Variants in LGR6 observed in about 807,000 individuals in gnomAD.
The protein encoded by LGR6 is leucine rich repeat containing G protein-coupled receptor 6.
In LGR6, 45 loss-of-function variants were observed where a neutral mutation model predicts 69.4. The observed-to-expected ratio is 0.65, with a 90% CI of 0.51 to 0.83. LGR6 has a LOEUF of 0.83. LGR6 is among the 40% of genes least tolerant of loss of function. The pLI, the probability that LGR6 is intolerant of heterozygous loss-of-function variation, is 0.00. For synonymous variants in LGR6, 538 were observed against 555.0 expected (o/e 0.97, Z 0.43); for missense variants, 1,108 against 1,246.7 (o/e 0.89, Z 1.68).
At chr1:202,269,485 A>G (rs1379510025) in intron 4 of LGR6, among the ~76,000 whole-genome samples, 1 of 152,228 alleles carries the variant, frequency 6.6e-6, no homozygotes, top group Admixed American at 6.5e-5. Context: ...GGAAAGGGAT[A>G]CTTCAGGTAC....
intron 7 of LGR6, 29 bp from the exon 8 acceptor site, chr1:202,300,820 C>A (rs377364000): frequency 6.4e-7 from 1 of 1,566,578 alleles, no homozygotes; most frequent in Non-Finnish European, 8.7e-7. Flanking sequence ...TTCTCCAAAT[C>A]CTCACTGGTT....
At chr1:202,204,494 CACACACCTCCAA>C (rs1658986220) in intron 1 of LGR6, among the ~76,000 whole-genome samples, 1 of 101,764 alleles carries the variant, frequency 9.8e-6, no homozygotes, top group Non-Finnish European at 2.0e-5. Flanking sequence ...CACCTCCACA[CACACACCTCCAA>C]ACACACACAC....
chr1:202,263,974 A>G lies in LGR6; in HGVS notation c.429-12332A>G, dbSNP rs112375828. Among the ~76,000 whole-genome samples, 1,232 of 152,294 alleles carry G rather than the reference A, an allele frequency of 8.1e-3. 19 individuals are homozygous for G. The highest frequency in any genetic ancestry group is 0.028 in the African/African-American group (1,157 of 41,554). On this transcript the variant is annotated intron_variant, in intron 4 of 17. Transcript: ENST00000367278. ...ATAGATAATTCTGAGCAAGAGAAAA[A>G]CAAGATTCCAACCGTGGGGATGATT...
At chr1:202,214,486 G>C (rs1249954947) in intron 1 of LGR6, among the ~76,000 whole-genome samples, 1 of 152,032 alleles carries the variant, frequency 6.6e-6, no homozygotes, top group Non-Finnish European at 1.5e-5. Flanking sequence ...GCGCGCGCGC[G>C]AGGCTGGTCC....
Position 202,318,302 on chromosome 1 carries a change from T to C in LGR6, c.1999T>C (p.Cys667Arg). ...VLLLTLAAVQ[C>R]SVSVSCVRAY... ...GCTGCTCACTCTGGCCGCAGTGCAG[T>C]GCAGCGTCTCCGTCTCCTGTGTCCG... Residue 667 changes from cysteine to arginine, a missense_variant, in exon 18 of 18, where the codon TGC becomes CGC. By Grantham distance (180) the Cys-to-Arg change is radical. Transcript: ENST00000367278. The C allele has an allele frequency of 6.3e-7, 1 of 1,597,054 alleles. No homozygotes were observed. The highest frequency in any genetic ancestry group is 1.3e-5 in the African/African-American group (1 of 74,834).
intron 4 of LGR6, among the ~76,000 whole-genome samples, chr1:202,273,851 C>G (rs1033221592): frequency 6.6e-6 from 1 of 152,144 alleles, no homozygotes; most frequent in African/African-American, 2.4e-5. Context: ...TCATTCATGA[C>G]ACCCCTTTCC....
rs545353806 is a variant in LGR6, at chr1:202,203,669, T to C, written c.212+9468T>C. On this transcript the variant is annotated intron_variant, in intron 1 of 17. Coordinates refer to ENST00000367278, the MANE Select transcript of LGR6 (RefSeq NM_001017403.2). ...GACAAGCGCAAATAACTGTGACCTG[T>C]TGTAGGAAGTGAGAAATACACCCAG... 2.6e-4 allele frequency: 189 copies of C among 725,846 alleles called. 4 individuals carry two copies. In the South Asian group the frequency reaches 3.1e-3, roughly 12 times the overall value. 45.0% of individuals were successfully genotyped at this position (725,846 alleles called of 1,614,324 possible).
chr1:202,222,806 T>G (rs972329783), intron 1 of LGR6, among the ~76,000 whole-genome samples: 2 of 152,122 alleles, frequency 1.3e-5, no homozygotes, highest in Non-Finnish European at 2.9e-5. Context: ...AACCCTGGCT[T>G]AAAATCCATC....
intron 2 of LGR6, among the ~76,000 whole-genome samples, chr1:202,226,580 G>A (rs1660569734): frequency 6.6e-6 from 1 of 152,088 alleles, no homozygotes; most frequent in Admixed American, 6.6e-5. Context: ...CCATGGCTTG[G>A]TATCCAGACC....
At chr1:202,261,297 G>T (rs1664214891) in intron 4 of LGR6, among the ~76,000 whole-genome samples, 1 of 137,352 alleles carries the variant, frequency 7.3e-6, no homozygotes, top group Non-Finnish European at 1.5e-5. Context: ...TGTGTTCTCA[G>T]TGTTCAATTC....
chr1:202,235,669 A>G (rs1158995767), intron 3 of LGR6, among the ~76,000 whole-genome samples: 2 of 151,820 alleles, frequency 1.3e-5, no homozygotes, highest in East Asian at 3.9e-4. Flanking sequence ...GCCTCCTCCT[A>G]GGGTCCCTTC....
rs1032150921 is a variant in LGR6, at chr1:202,315,115, C to T, written c.1648+233C>T. Among the ~76,000 whole-genome samples the T allele has an allele frequency of 6.6e-5, 10 of 152,190 alleles. 1 individual carries two copies. Among genetic ancestry groups the T allele is most frequent in the African/African-American group, 2.4e-4 (10 of 41,436 alleles). ...AATGGAGGCGAAGTCAAGCAATCAG[C>T]CAATTAGCATTTATGCATCCAGGAT... On this transcript the variant is annotated intron_variant, in intron 17 of 17. Coordinates refer to ENST00000367278, the MANE Select transcript of LGR6 (RefSeq NM_001017403.2).
In LGR6 at chr1:202,318,440, G is replaced by T; in HGVS notation, c.2137G>T (p.Ala713Ser). 2.5e-6 allele frequency: 4 copies of T among 1,612,226 alleles called. No individual in the cohort carries two copies. The highest frequency in any genetic ancestry group is 2.2e-5 in the East Asian group (1 of 44,872). Reference protein sequence around the residue: ...LPLASVGEYGASPLCLPYAPP... With the variant: ...LPLASVGEYGSSPLCLPYAPP... ...CCTGGCCTCAGTGGGAGAATACGGG[G>T]CCTCCCCACTCTGCCTGCCCTACGC... is the stretch of plus-strand genomic sequence containing the variant. The change falls in exon 18 of 18, where the codon GCC (alanine) becomes TCC (serine). Residue 713 changes from alanine to serine, a missense_variant. Ala to Ser is a moderately conservative substitution (Grantham distance 99, BLOSUM62 1). Coordinates refer to ENST00000367278, the MANE Select transcript of LGR6 (RefSeq NM_001017403.2).
chr1:202,206,202 T>C (rs141603988), intron 1 of LGR6, among the ~76,000 whole-genome samples: 1 of 152,364 alleles, frequency 6.6e-6, no homozygotes, highest in Non-Finnish European at 1.5e-5. Flanking sequence ...GCTGCCTTTG[T>C]GGTGGACAGA....
intron 4 of LGR6, among the ~76,000 whole-genome samples, chr1:202,247,283 G>A (rs1290898509): frequency 1.3e-5 from 2 of 149,750 alleles, no homozygotes; most frequent in East Asian, 2.0e-4. Context: ...ACCTGCTCAC[G>A]CAGATTCTGC....
chr1:202,270,796 C>T (rs975365803), intron 4 of LGR6, among the ~76,000 whole-genome samples: 4 of 152,180 alleles, frequency 2.6e-5, no homozygotes, highest in Non-Finnish European at 4.4e-5. Context: ...CAGACCAGGA[C>T]CCTATGTCCC....
intron 1 of LGR6, among the ~76,000 whole-genome samples, chr1:202,208,722 C>T (rs920377164): frequency 1.3e-5 from 2 of 152,142 alleles, no homozygotes; most frequent in Non-Finnish European, 2.9e-5. Context: ...CCCCCTCTGC[C>T]TGCCCTGCCT....
At chr1:202,242,613 G>A (rs1005478928) in intron 4 of LGR6, among the ~76,000 whole-genome samples, 2 of 152,166 alleles carry the variant, frequency 1.3e-5, no homozygotes, top group Admixed American at 6.5e-5. Context: ...TTGCCTTACT[G>A]TGCAATGGAA....
chr1:202,219,636 G>C (rs1363829271), intron 1 of LGR6, among the ~76,000 whole-genome samples: 2 of 152,262 alleles, frequency 1.3e-5, no homozygotes, highest in Middle Eastern at 3.4e-3. Context: ...TAAAGGCTCA[G>C]CCACAGGAAC....
Sources: gnomAD v4.1 joint callset for allele counts (sites outside exome capture counted in the v4.1 genomes callset) on GRCh38, gnomAD v4.1.1 for gene constraint, MANE v1.5 for transcripts, NCBI Gene and HGNC (gene_info 2026-07-23, HGNC 2026-07-21) for gene names.